The following PSD3 variants were observed in gnomAD, a reference collection of about 807,000 sequenced individuals.
PSD3 encodes the protein PH and SEC7 domain-containing protein 3.
Under a neutral mutation model 105.5 loss-of-function variants are expected in PSD3, and 49 were observed. That is an observed-to-expected ratio of 0.46 (90% confidence interval 0.37 to 0.59). PSD3 has a LOEUF of 0.59. Ranked by LOEUF, PSD3 falls within the 20% of genes least tolerant of loss-of-function variation. The pLI is 0.00. For synonymous variants in PSD3, 557 were observed against 457.8 expected (o/e 1.22, Z -2.77); for missense variants, 1,561 against 1,263.8 (o/e 1.24, Z -3.57).
rs540552196 is a variant in PSD3 at position 18,877,482 on chromosome 8, A to AAT, written c.131-4751_131-4750dup. 7.5e-4 allele frequency among the ~76,000 whole-genome samples: 114 copies of AAT among 152,176 alleles called. 1 individual carries two copies. Among genetic ancestry groups the AAT allele is most frequent in the African/African-American group, 2.6e-3 (107 of 41,526 alleles). On this transcript the variant is annotated intron_variant, in intron 2 of 15. Coordinates refer to ENST00000327040, the MANE Select transcript of PSD3 (RefSeq NM_015310.4). The stretch of plus-strand genomic sequence containing the variant: ...CAAAAATCAAACATATACATATATT[A>AAT]ATATATATGCAAAGGTTTATTTCTG...
At chr8:18,839,500 G>A (rs1367014495) in intron 4 of PSD3, among the ~76,000 whole-genome samples, 1 of 152,112 alleles carries the variant, frequency 6.6e-6, no homozygotes, top group Non-Finnish European at 1.5e-5. Context: ...GCTCTTTAAA[G>A]GTGGAGTCTG....
intron 1 of PSD3, among the ~76,000 whole-genome samples, chr8:18,970,390 C>T (rs1438022979): frequency 1.4e-5 from 2 of 146,752 alleles, no homozygotes; most frequent in Non-Finnish European, 3.0e-5. Context: ...CCCAATATAT[C>T]TAATTACCGG....
In PSD3 at chr8:18,994,414, G is replaced by C. The variant is rs763939322; in HGVS notation, c.21+19149C>G. On this transcript the variant is annotated intron_variant, in intron 1 of 15. Coordinates refer to ENST00000327040, the MANE Select transcript of PSD3 (RefSeq NM_015310.4). ...AACTAACCATATATGCCTCACTACA[G>C]CAAATCATGTGTTGGTATTAACAGA... 3.6e-4 allele frequency among the ~76,000 whole-genome samples: 55 copies of C among 151,906 alleles called. 1 individual carries two copies. The highest frequency in any genetic ancestry group is 6.0e-4 in the Non-Finnish European group (41 of 67,970).
chr8:18,709,637 A>G (rs1171616765), intron 9 of PSD3, among the ~76,000 whole-genome samples: 1 of 152,200 alleles, frequency 6.6e-6, no homozygotes, highest in African/African-American at 2.4e-5. Context: ...TCCCAGAGAA[A>G]CAAACAGGCA....
At chr8:19,082,644 A>G (rs955706232) in intron 1 of PSD3, among the ~76,000 whole-genome samples, 2 of 152,342 alleles carry the variant, frequency 1.3e-5, no homozygotes, top group African/African-American at 4.8e-5. Flanking sequence ...GCCTCTTCCC[A>G]GAGAAATGGC....
chr8:19,064,409 A>T (rs574314735), intron 1 of PSD3, among the ~76,000 whole-genome samples: 1 of 152,144 alleles, frequency 6.6e-6, no homozygotes, highest in East Asian at 1.9e-4. Flanking sequence ...CAACAGTTAT[A>T]CCTATTTATG....
chr8:18,800,624 G>C (rs1005841327), intron 7 of PSD3, among the ~76,000 whole-genome samples: 1 of 152,146 alleles, frequency 6.6e-6, no homozygotes, highest in Non-Finnish European at 1.5e-5. Flanking sequence ...CTCTTCACAA[G>C]GTAGGTCCAC....
intron 9 of PSD3, among the ~76,000 whole-genome samples, chr8:18,742,075 G>A (rs760039221): frequency 4.6e-5 from 7 of 152,144 alleles, no homozygotes; most frequent in Admixed American, 1.3e-4. Context: ...GAAAGCTTTG[G>A]TGATTCAAAT....
chr8:18,706,799 C>T (rs1218688048), intron 9 of PSD3, among the ~76,000 whole-genome samples: 1 of 152,202 alleles, frequency 6.6e-6, no homozygotes, highest in East Asian at 1.9e-4. Context: ...GTCCTGATGC[C>T]ACACCAGCTA....
rs1480557390 is a variant in PSD3 at position 18,819,668 on chromosome 8, T to C, written c.1635-14770A>G. On this transcript the variant is annotated intron_variant, in intron 4 of 15. Coordinates refer to ENST00000327040, the MANE Select transcript of PSD3 (RefSeq NM_015310.4). ...ATCTTGGCTCACTGCAACCTCCGCC[T>C]CCAGGGTTCATGTGATTCGCCCACC... Among the ~76,000 whole-genome samples the C allele has an allele frequency of 1.1e-4, 15 of 139,184 alleles. No homozygotes were observed. In the Admixed American group the frequency reaches 1.2e-3, roughly 11 times the overall value. 91.3% of individuals were successfully genotyped at this position (139,184 alleles called of 152,430 possible). A position where few individuals can be genotyped will look rare whatever the true frequency, so the allele number is the denominator to read the frequency against.
At chr8:19,066,949 A>C (rs1246710557) in intron 1 of PSD3, among the ~76,000 whole-genome samples, 1 of 152,180 alleles carries the variant, frequency 6.6e-6, no homozygotes, top group African/African-American at 2.4e-5. Flanking sequence ...TTATTTATTC[A>C]ATGACTGTCT....
At chr8:18,987,055 C>T (rs1444087391) in intron 1 of PSD3, among the ~76,000 whole-genome samples, 1 of 152,048 alleles carries the variant, frequency 6.6e-6, no homozygotes, top group African/African-American at 2.4e-5. Context: ...TTAATGGTGC[C>T]GTCACAGGGA....
chr8:18,940,281 C>T lies in PSD3; in HGVS notation c.22-4139G>A, dbSNP rs1822448155. On this transcript the variant is annotated intron_variant, in intron 1 of 15. Coordinates refer to ENST00000327040, the MANE Select transcript of PSD3 (RefSeq NM_015310.4). Reference sequence around the variant, plus strand: ...TTCGTACTCTGTTGTATATACGAATCACCTGGAATCTTCTTAAAACAGAAA... The same window carrying T: ...TTCGTACTCTGTTGTATATACGAATTACCTGGAATCTTCTTAAAACAGAAA... 3 of 152,204 alleles carry T rather than the reference C, an allele frequency of 2.0e-5. 1 individual carries two copies. Among genetic ancestry groups the T allele is most frequent in the African/African-American group, 7.2e-5 (3 of 41,456 alleles). 9.4% of individuals were successfully genotyped at this position (152,204 alleles called of 1,614,324 possible). A position where few individuals can be genotyped will look rare whatever the true frequency, so the allele number is the denominator to read the frequency against.
intron 1 of PSD3, among the ~76,000 whole-genome samples, chr8:18,988,159 C>G (rs1321998435): frequency 1.3e-5 from 2 of 150,304 alleles, no homozygotes. Context: ...TAAAGGAGAC[C>G]AGAAAGCAGC....
At chr8:18,601,282 TAATAC>T (rs1470021480) in intron 11 of PSD3, among the ~76,000 whole-genome samples, 2 of 152,220 alleles carry the variant, frequency 1.3e-5, no homozygotes, top group Non-Finnish European at 2.9e-5. Context: ...TTTATTATCT[TAATAC>T]AATTAAAATC....
chr8:18,669,643 C>T (rs1235367818), intron 9 of PSD3, among the ~76,000 whole-genome samples: 3 of 152,146 alleles, frequency 2.0e-5, no homozygotes, highest in East Asian at 1.9e-4. Context: ...GAGATTGCAT[C>T]GCACTACGCC....
chr8:18,580,758 A>C (rs1294853679), intron 12 of PSD3, among the ~76,000 whole-genome samples: 1 of 152,182 alleles, frequency 6.6e-6, no homozygotes, highest in Non-Finnish European at 1.5e-5. Flanking sequence ...AAAGGTAAAT[A>C]AATTCAGGTT....
intron 1 of PSD3, among the ~76,000 whole-genome samples, chr8:18,940,701 TGGCAC>T (rs1248503397): frequency 6.6e-6 from 1 of 152,214 alleles, no homozygotes; most frequent in Non-Finnish European, 1.5e-5. Flanking sequence ...TCTTGAGTAA[TGGCAC>T]ATACTTACAG....
intron 9 of PSD3, among the ~76,000 whole-genome samples, chr8:18,744,769 A>G (rs1277582640): frequency 6.6e-6 from 1 of 152,172 alleles, no homozygotes; most frequent in Non-Finnish European, 1.5e-5. Context: ...ACCTTATTCA[A>G]ATTTCACCAG....
Sources: gnomAD v4.1 joint callset for allele counts (sites outside exome capture counted in the v4.1 genomes callset) on GRCh38, gnomAD v4.1.1 for gene constraint, MANE v1.5 for transcripts, NCBI Gene and HGNC (gene_info 2026-07-23, HGNC 2026-07-21) for gene names.